The following PLXNA2 variants were observed in gnomAD, a reference collection of about 807,000 sequenced individuals.
PLXNA2 encodes the protein plexin A2.
A neutral mutation model predicts 193.5 loss-of-function variants in PLXNA2; 91 were observed. The observed-to-expected ratio is 0.47, with a 90% CI of 0.40 to 0.56. The LOEUF is 0.56. PLXNA2 is among the 20% of genes least tolerant of loss of function. The pLI is 0.00. For synonymous variants in PLXNA2, 997 were observed against 1,027.3 expected, an observed-to-expected ratio of 0.97 and a Z score of 0.56; for missense variants, 1,995 against 2,503.2, an observed-to-expected ratio of 0.80 and a Z score of 4.33.
Position 208,096,808 on chromosome 1 carries a change from C to T in PLXNA2, c.1807G>A (p.Glu603Lys), listed in dbSNP as rs773451537. ...ACCTGGCTCCCGGACACCTGCCCCTCCACCTCTGTCAGGTTCCCAAAGGCA... is the reference window on the plus strand; with the variant it reads ...ACCTGGCTCCCGGACACCTGCCCCTTCACCTCTGTCAGGTTCCCAAAGGCA... ...ACAFGNLTEV[E>K]GQVSGSQVIC... The change falls in exon 7 of 32, where the codon GAG becomes AAG. Residue 603 changes from glutamate (E) to lysine (K), a missense_variant. This residue lies in a region of PLXNA2 where 702 missense variants were observed against 812.9 expected (regional missense o/e 0.86). Transcript: ENST00000367033. 2 of 1,614,014 alleles carry T rather than the reference C, an allele frequency of 1.2e-6. No individual in the cohort carries two copies. Among genetic ancestry groups the T allele is most frequent in the African/African-American group, 2.7e-5 (2 of 74,910 alleles).
Position 208,140,615 on chromosome 1 carries a change from G to T in PLXNA2, c.1506+1714C>A, listed in dbSNP as rs1668432350. Among the ~76,000 whole-genome samples the T allele has an allele frequency of 2.0e-5, 3 of 152,148 alleles. No homozygotes were observed. The South Asian group carries it at 6.2e-4, about 32-fold the overall frequency. On this transcript the variant is annotated intron_variant, in intron 4 of 31. Transcript: ENST00000367033. The stretch of plus-strand genomic sequence containing the variant: ...TTTCTGTATCTATATCTGCATAAGT[G>T]CCTGGAATGGTGCTCATCAAATGTT...
In PLXNA2 at chr1:208,102,717, T is replaced by A. The variant is rs190306571; in HGVS notation, c.1607+430A>T. 2.6e-5 allele frequency among the ~76,000 whole-genome samples: 4 copies of A among 152,306 alleles called. No homozygotes were observed. In the East Asian group the frequency reaches 7.7e-4, roughly 29 times the overall value. On this transcript the variant is annotated intron_variant, in intron 5 of 31. Transcript: ENST00000367033. ...AGGCCTGGAGTTGTCAGGGGACCCA[T>A]CCAGGGTCACACAGCAGCTAGCTGG...
intron 1 of PLXNA2, among the ~76,000 whole-genome samples, chr1:208,220,678 G>A (rs550073792): frequency 2.7e-5 from 4 of 150,864 alleles, no homozygotes; most frequent in South Asian, 2.1e-4. Context: ...TCCTGACCTC[G>A]TGATCCACCT....
rs201205922 is a variant in PLXNA2 at position 208,045,255 on chromosome 1, G to T, written c.3496-45C>A. On this transcript the variant is annotated intron_variant, in intron 18 of 31. Coordinates refer to ENST00000367033, the MANE Select transcript of PLXNA2 (RefSeq NM_025179.4). ...TTATAGGCATAATTGACACATGCAC[G>T]CACAAGTTAATTGCCTACTTAAAAA... 3 of 1,589,138 alleles carry T rather than the reference G, an allele frequency of 1.9e-6. No individual in the cohort carries two copies. The South Asian group carries it at 3.3e-5, about 18-fold the overall frequency.
intron 13 of PLXNA2, among the ~76,000 whole-genome samples, chr1:208,060,214 C>T (rs981376551): frequency 5.9e-5 from 9 of 152,178 alleles, no homozygotes; most frequent in African/African-American, 2.2e-4. Flanking sequence ...CAACTACATG[C>T]CTATTTTCTA....
intron 3 of PLXNA2, among the ~76,000 whole-genome samples, chr1:208,196,818 A>C (rs1440388985): frequency 6.6e-6 from 1 of 152,168 alleles, no homozygotes; most frequent in East Asian, 1.9e-4. Flanking sequence ...GGTGGAAAAT[A>C]ATGTGGTATT....
At position 208,082,398 on chromosome 1, in the gene PLXNA2, A is replaced by T. The variant is rs772184769; in HGVS notation, c.2395+14T>A. 5.0e-6 allele frequency: 8 copies of T among 1,609,224 alleles called. No individual in the cohort carries two copies. The East Asian group carries it at 1.8e-4, about 36-fold the overall frequency. On this transcript the variant is annotated intron_variant, in intron 11 of 31. Coordinates refer to ENST00000367033, the MANE Select transcript of PLXNA2 (RefSeq NM_025179.4). The surrounding 1 kb of genome is among the most constrained non-coding windows in gnomAD (Gnocchi z 4.2). ...GTGAAAAGATCAAACTTCTACCCGG[A>T]AGTAGCCGCTTACCTTTCAGGTCCT...
rs369227193 is a variant in PLXNA2 at position 208,236,289 on chromosome 1, G to A, written c.-81+7354C>T. 6.6e-6 allele frequency among the ~76,000 whole-genome samples: 1 copy of A among 152,126 alleles called. No homozygotes were observed. Among genetic ancestry groups the A allele is most frequent in the Non-Finnish European group, 1.5e-5 (1 of 68,026 alleles). ...CCTCAGGAGAAAAAAATGGGAAACC[G>A]GGGAGCAGTCAGGGGAGGTGGGAGG... On this transcript the variant is annotated intron_variant, in intron 1 of 31. Transcript: ENST00000367033. This position sits in a 1 kb window ranked among gnomAD's most constrained non-coding sequence, Gnocchi z 4.4.
At position 208,092,879 on chromosome 1, in the gene PLXNA2, G is replaced by C; in HGVS notation, c.2004C>G (p.Ser668Arg). 1 of 1,613,758 alleles carries C rather than the reference G, an allele frequency of 6.2e-7. No homozygotes were observed. The highest frequency in any genetic ancestry group is 8.5e-7 in the Non-Finnish European group (1 of 1,179,752). The change falls in exon 9 of 32, where the codon AGC (serine) becomes AGG (arginine). Residue 668 changes from serine (S) to arginine (R), a missense_variant. This residue lies in a region of PLXNA2 where 1,291 missense variants were observed against 1,673.6 expected (regional missense o/e 0.77). Transcript: ENST00000367033. Reference protein sequence around the residue: ...AHQLCLSCVNSAFRCHWCKYR... With the variant: ...AHQLCLSCVNRAFRCHWCKYR... ...ACTTGCACCAATGGCAGCGGAAGGC[G>C]CTGTTGACACAGGACAGGCACCTGC...
At chr1:208,031,074 A>C (rs974644929) in intron 29 of PLXNA2, 4 of 990,366 alleles carry the variant, frequency 4.0e-6, no homozygotes, top group East Asian at 2.3e-4. Flanking sequence ...CCTCCCTGTC[A>C]GTGGGCTCAA....
intron 3 of PLXNA2, among the ~76,000 whole-genome samples, chr1:208,206,826 C>T (rs550674366): frequency 5.6e-4 from 82 of 145,924 alleles, no homozygotes; most frequent in Non-Finnish European, 9.8e-4. Flanking sequence ...GCTAGTGGCG[C>T]GATCTGGGCT....
At chr1:208,049,379 G>A (rs1241276207) in intron 17 of PLXNA2, among the ~76,000 whole-genome samples, 1 of 150,214 alleles carries the variant, frequency 6.7e-6, no homozygotes, top group Non-Finnish European at 1.5e-5. Context: ...CCTAGACTCT[G>A]GAGTTACCTG....
At position 208,025,061 on chromosome 1, in the gene PLXNA2, T is replaced by C. The variant is rs1403362151; in HGVS notation, c.*2182A>G. On this transcript the variant is annotated 3_prime_UTR_variant, in exon 32 of 32. Coordinates refer to ENST00000367033, the MANE Select transcript of PLXNA2 (RefSeq NM_025179.4). ...GCTACTAATAGGGCCTGAGAAACTT[T>C]AAAGAAGTGGATTTTCAAAAGAAAG... 6.6e-6 allele frequency: 1 copy of C among 152,660 alleles called. No homozygotes were observed. Among genetic ancestry groups the C allele is most frequent in the Non-Finnish European group, 1.5e-5 (1 of 68,046 alleles). 9.5% of individuals were successfully genotyped at this position (152,660 alleles called of 1,614,324 possible).
At chr1:208,142,083 C>T (rs1027506119) in intron 4 of PLXNA2, among the ~76,000 whole-genome samples, 2 of 152,218 alleles carry the variant, frequency 1.3e-5, no homozygotes, top group South Asian at 2.1e-4. Flanking sequence ...CCTGTTCTTG[C>T]AGGGCTGTTC....
chr1:208,148,450 T>G (rs1049487260), intron 3 of PLXNA2, among the ~76,000 whole-genome samples: 9 of 152,200 alleles, frequency 5.9e-5, no homozygotes, highest in African/African-American at 2.2e-4. Context: ...GCTGTGTGAC[T>G]TCAGGCAAGT....
rs113003163 is a variant in PLXNA2, at chr1:208,054,124, A to G, written c.2856+297T>C. Reference sequence around the variant, plus strand: ...CAAGAGGCAGTTCCTCCCCGCCCCCAGTCTAGGATCCACTTTCTAAGAAAG... The same window carrying G: ...CAAGAGGCAGTTCCTCCCCGCCCCCGGTCTAGGATCCACTTTCTAAGAAAG... On this transcript the variant is annotated intron_variant, in intron 14 of 31. Coordinates refer to ENST00000367033, the MANE Select transcript of PLXNA2 (RefSeq NM_025179.4). 1.8e-3 allele frequency among the ~76,000 whole-genome samples: 281 copies of G among 152,318 alleles called. 1 individual carries two copies. The highest frequency in any genetic ancestry group is 6.3e-3 in the African/African-American group (264 of 41,578).
intron 3 of PLXNA2, among the ~76,000 whole-genome samples, chr1:208,158,986 C>A (rs1262915157): frequency 1.3e-5 from 2 of 152,194 alleles, no homozygotes; most frequent in Non-Finnish European, 2.9e-5. Context: ...CCAGGGAGGA[C>A]TGTGCTTCTC....
intron 29 of PLXNA2, chr1:208,029,307 C>G: frequency 7.8e-7 from 1 of 1,277,760 alleles, no homozygotes; most frequent in Non-Finnish European, 1.0e-6. Flanking sequence ...GTGTTCTGTT[C>G]CCTTCTGGGA....
intron 3 of PLXNA2, among the ~76,000 whole-genome samples, chr1:208,173,843 C>T (rs1050515326): frequency 6.6e-6 from 1 of 152,222 alleles, no homozygotes; most frequent in African/African-American, 2.4e-5. Flanking sequence ...GGATGAGCAG[C>T]ACCAAGCCAG....
Sources: allele counts gnomAD v4.1 joint callset (sites outside exome capture counted in the v4.1 genomes callset), GRCh38; gene constraint gnomAD v4.1.1; regional missense constraint gnomAD v4.1.1; non-coding constraint Gnocchi (gnomAD v3.1); transcripts MANE v1.5; gene names NCBI Gene and HGNC (gene_info 2026-07-23, HGNC 2026-07-21).